The following RBFOX1 variants were observed in gnomAD, a reference collection of about 807,000 sequenced individuals.
RBFOX1 encodes the protein RNA binding protein fox-1 homolog 1.
A neutral mutation model predicts 57.7 loss-of-function variants in RBFOX1; 8 were observed. That is an observed-to-expected ratio of 0.14 (90% CI 0.08 to 0.25). RBFOX1 has a LOEUF of 0.25. Among genes scored for constraint, RBFOX1 ranks in the 10% least tolerant of loss-of-function variants. The pLI, the probability that RBFOX1 is intolerant of heterozygous loss-of-function variation, is 1.00. For missense variants in RBFOX1, 611 were observed against 548.5 expected (o/e 1.11, Z -1.14); for synonymous variants, 326 against 222.4 (o/e 1.47, Z -4.15).
At chr16:5,452,518 T>G (rs1170467153) in intron 1 of RBFOX1, among the ~76,000 whole-genome samples, 1 of 152,176 alleles carries the variant, frequency 6.6e-6, no homozygotes, top group African/African-American at 2.4e-5. Context: ...CCACTGCCTT[T>G]CGCCAGGACT....
chr16:6,718,614 A>T (rs1201090821), intron 3 of RBFOX1, among the ~76,000 whole-genome samples: 2 of 152,122 alleles, frequency 1.3e-5, no homozygotes, highest in Non-Finnish European at 2.9e-5. Flanking sequence ...CCAATATTGG[A>T]GGAGGAGCCT....
At chr16:5,760,616 A>G (rs908094408) in intron 3 of RBFOX1, among the ~76,000 whole-genome samples, 4 of 152,216 alleles carry the variant, frequency 2.6e-5, no homozygotes, top group Non-Finnish European at 5.9e-5. Flanking sequence ...CCTTGAAAAC[A>G]TGATGCTAAC....
At chr16:7,019,560 C>T (rs1009425635) in intron 3 of RBFOX1, among the ~76,000 whole-genome samples, 1 of 152,130 alleles carries the variant, frequency 6.6e-6, no homozygotes, top group South Asian at 2.1e-4. Flanking sequence ...TTTGCAGTTA[C>T]TTTACAGTTC....
intron 4 of RBFOX1, among the ~76,000 whole-genome samples, chr16:7,505,857 T>C (rs1421783735): frequency 1.3e-5 from 2 of 152,196 alleles, no homozygotes; most frequent in African/African-American, 4.8e-5. Flanking sequence ...TTATGAATTA[T>C]GGCTTCAGCA....
chr16:6,510,804 A>G (rs1282386487), intron 2 of RBFOX1, among the ~76,000 whole-genome samples: 1 of 152,154 alleles, frequency 6.6e-6, no homozygotes, highest in Admixed American at 6.5e-5. Flanking sequence ...CGGACTGCTA[A>G]AGGTTTTTGT....
intron 1 of RBFOX1, among the ~76,000 whole-genome samples, chr16:5,382,709 T>C (rs1041799213): frequency 1.3e-5 from 2 of 152,228 alleles, no homozygotes; most frequent in Non-Finnish European, 2.9e-5. Flanking sequence ...AAACCCGTGT[T>C]CTGATTCAGT....
intron 2 of RBFOX1, among the ~76,000 whole-genome samples, chr16:6,561,908 G>A (rs544806723): frequency 2.6e-5 from 4 of 152,152 alleles, no homozygotes; most frequent in Non-Finnish European, 5.9e-5. Context: ...TGCCTAATGA[G>A]TATGTATCAC....
intron 5 of RBFOX1, among the ~76,000 whole-genome samples, chr16:7,550,003 C>G (rs62009897): frequency 0.091 from 13,852 of 152,100 alleles, 833 homozygotes; most frequent in African/African-American, 0.17. Context: ...GATCATAGCT[C>G]ACTGCAGCCT....
At chr16:6,520,947 G>A (rs1441670738) in intron 2 of RBFOX1, among the ~76,000 whole-genome samples, 1 of 151,702 alleles carries the variant, frequency 6.6e-6, no homozygotes, top group Non-Finnish European at 1.5e-5. Context: ...TGTAGGGGGG[G>A]AAAAAAATAA....
chr16:6,210,609 C>G (rs917275191), intron 1 of RBFOX1, among the ~76,000 whole-genome samples: 3 of 152,018 alleles, frequency 2.0e-5, no homozygotes, highest in African/African-American at 4.8e-5. Context: ...GTGGTCCCAA[C>G]TACTTGGTAG....
chr16:7,485,481 C>G (rs1284669985), intron 4 of RBFOX1, among the ~76,000 whole-genome samples: 1 of 152,112 alleles, frequency 6.6e-6, no homozygotes, highest in Non-Finnish European at 1.5e-5. Flanking sequence ...CCCACATGTG[C>G]TTTTTTTAGT....
chr16:6,744,978 A>G (rs1166074199), intron 3 of RBFOX1, among the ~76,000 whole-genome samples: 4 of 152,048 alleles, frequency 2.6e-5, no homozygotes, highest in Admixed American at 1.3e-4. Context: ...CAAATTACCA[A>G]TATCAGTATA....
chr16:5,989,273 G>T (rs2060343102), intron 4 of RBFOX1, among the ~76,000 whole-genome samples: 1 of 152,108 alleles, frequency 6.6e-6, no homozygotes, highest in Admixed American at 6.5e-5. Context: ...GGAGTTTACA[G>T]TGAGCCGAGA....
chr16:5,457,836 A>G (rs2068676448), intron 1 of RBFOX1, among the ~76,000 whole-genome samples: 1 of 152,172 alleles, frequency 6.6e-6, no homozygotes, highest in Non-Finnish European at 1.5e-5. Flanking sequence ...CTGTGAGAGT[A>G]GGGTTCCTTC....
rs1254656728 is a variant in RBFOX1, at chr16:5,812,930, G to A, written c.319-54373G>A. Among the ~76,000 whole-genome samples, 3 of 151,818 alleles carry A rather than the reference G, an allele frequency of 2.0e-5. No homozygotes were observed. In the East Asian group the frequency reaches 5.8e-4, roughly 29 times the overall value. On this transcript the variant is annotated intron_variant, in intron 3 of 19. Transcript: ENST00000641259. Reference sequence around the variant, plus strand: ...TTCTGCTCAAATATTTTGCCCATTAGAAAATTTTGGGTTGTTGATTTTCTT... The same window carrying A: ...TTCTGCTCAAATATTTTGCCCATTAAAAAATTTTGGGTTGTTGATTTTCTT...
intron 4 of RBFOX1, among the ~76,000 whole-genome samples, chr16:7,189,879 C>G (rs73546563): frequency 6.6e-6 from 1 of 152,186 alleles, no homozygotes; most frequent in African/African-American, 2.4e-5. Context: ...GCAATAGGCC[C>G]AACTCACATC....
chr16:6,924,191 A>AATT (rs1006639932), intron 3 of RBFOX1, among the ~76,000 whole-genome samples: 1 of 151,254 alleles, frequency 6.6e-6, no homozygotes, highest in Non-Finnish European at 1.5e-5. Flanking sequence ...TAATAATAAT[A>AATT]ATAGCAATAA....
chr16:5,795,062 A>G (rs751721402), intron 3 of RBFOX1, among the ~76,000 whole-genome samples: 2 of 152,216 alleles, frequency 1.3e-5, no homozygotes, highest in Non-Finnish European at 2.9e-5. Context: ...AGCTGCTTAA[A>G]TTATTCCATC....
Position 7,518,269 on chromosome 16 carries a change from A to G in RBFOX1, c.150A>G (p.Pro50=). The change falls in exon 5 of 16, where the codon CCA becomes CCG. Residue 50 remains proline, a synonymous_variant. Coordinates refer to ENST00000550418, the MANE Select transcript of RBFOX1 (RefSeq NM_018723.4). ...EYTAPHPHPA[P]EYTGQTTVPE... ...CGGCCCCTCATCCCCACCCCGCGCC[A>G]GAGTACACAGGCCAGACCACGGTTC... The G allele has an allele frequency of 1.9e-6, 3 of 1,614,052 alleles. No homozygotes were observed. Among genetic ancestry groups the G allele is most frequent in the Non-Finnish European group, 2.5e-6 (3 of 1,179,992 alleles).
Sources: allele counts gnomAD v4.1 joint callset (sites outside exome capture counted in the v4.1 genomes callset), GRCh38; gene constraint gnomAD v4.1.1; transcripts MANE v1.5; gene names NCBI Gene and HGNC (gene_info 2026-07-23, HGNC 2026-07-21).